Variants in PLCG2 observed in about 807,000 individuals in gnomAD.
PLCG2 encodes 1-phosphatidylinositol 4,5-bisphosphate phosphodiesterase gamma-2.
A neutral mutation model predicts 175.6 loss-of-function variants in PLCG2; 69 were observed. The observed-to-expected ratio is 0.39, with a 90% CI of 0.32 to 0.48. PLCG2 has a LOEUF of 0.48. Among genes scored for constraint, PLCG2 ranks in the 20% least tolerant of loss-of-function variants. The pLI, the probability that PLCG2 is intolerant of heterozygous loss-of-function variation, is 0.91. For missense variants in PLCG2, 1,798 were observed against 1,650.9 expected, an observed-to-expected ratio of 1.09 and a Z score of -1.54; for synonymous variants, 827 against 624.0, an observed-to-expected ratio of 1.33 and a Z score of -4.85.
At chr16:81,908,719 T>C in intron 17 of PLCG2, 128 bp downstream of exon 17, 1 of 754,848 alleles carries the variant, frequency 1.3e-6, no homozygotes, top group East Asian at 2.8e-5. Flanking sequence ...TTCATTTGTC[T>C]AGCTCTTCTA....
intron 2 of PLCG2, among the ~76,000 whole-genome samples, chr16:81,770,141 G>A (rs901202553): frequency 1.3e-5 from 2 of 151,844 alleles, no homozygotes; most frequent in Non-Finnish European, 2.9e-5. Flanking sequence ...GCATAACAAC[G>A]CAGAGAAGTG....
chr16:81,914,770 G>T (rs1041758751), intron 19 of PLCG2, among the ~76,000 whole-genome samples: 3 of 152,086 alleles, frequency 2.0e-5, no homozygotes, highest in Non-Finnish European at 2.9e-5. Flanking sequence ...TGTAACATTG[G>T]CTGGGATGTA....
At chr16:81,753,342 GTTTTTTTTTTTTT>G (rs34438350) in intron 1 of PLCG2, among the ~76,000 whole-genome samples, 1 of 91,124 alleles carries the variant, frequency 1.1e-5, no homozygotes, top group African/African-American at 4.2e-5. Context: ...GTCCTGGCAG[GTTTTTTTTTTTTT>G]TTTTTTTTTT....
At chr16:81,876,208 A>G (rs1907781608) in intron 7 of PLCG2, among the ~76,000 whole-genome samples, 1 of 151,508 alleles carries the variant, frequency 6.6e-6, no homozygotes, top group African/African-American at 2.4e-5. Flanking sequence ...TATTTTTTGT[A>G]GAGACAGTTT....
chr16:81,878,036 T>C (rs7203405), intron 7 of PLCG2, among the ~76,000 whole-genome samples: 96,248 of 138,088 alleles, frequency 0.7, 33,804 homozygotes, highest in East Asian at 0.79. Context: ...GGCTGGAGTG[T>C]AGTGGCGCCA....
At chr16:81,889,353 G>C in intron 10 of PLCG2, 80 bp downstream of exon 10, 1 of 781,480 alleles carries the variant, frequency 1.3e-6, no homozygotes, top group Non-Finnish European at 2.2e-6. Flanking sequence ...TTTTCTGTTT[G>C]TCTTTCCTTG....
intron 2 of PLCG2, among the ~76,000 whole-genome samples, chr16:81,825,145 T>C (rs61635216): frequency 0.04 from 6,080 of 152,276 alleles, 175 homozygotes; most frequent in African/African-American, 0.074. Context: ...ACCTGCATAA[T>C]TGCAAGATGG....
At chr16:81,766,006 G>A (rs900466503) in intron 2 of PLCG2, among the ~76,000 whole-genome samples, 1 of 152,180 alleles carries the variant, frequency 6.6e-6, no homozygotes, top group Non-Finnish European at 1.5e-5. Context: ...GCTTGCTTGG[G>A]TATTTTTTTA....
At chr16:81,792,470 G>C (rs1398701578) in intron 2 of PLCG2, among the ~76,000 whole-genome samples, 1 of 106,420 alleles carries the variant, frequency 9.4e-6, no homozygotes, top group South Asian at 3.1e-4. Flanking sequence ...GACAGAGCAA[G>C]GCTCTGTCTC....
chr16:81,774,554 A>G (rs1403314600), upstream of PLCG2, among the ~76,000 whole-genome samples: 1 of 151,912 alleles, frequency 6.6e-6, no homozygotes. Context: ...TTCTCTGAAC[A>G]ATGTTGGGAA....
chr16:81,953,004 AG>A (rs1911428325), intron 31 of PLCG2, among the ~76,000 whole-genome samples: 2 of 152,372 alleles, frequency 1.3e-5, no homozygotes, highest in African/African-American at 4.8e-5. Context: ...GTACTTCCTG[AG>A]GTGAGACGCT....
At chr16:81,922,635 C>A (rs1275679058) in intron 21 of PLCG2, among the ~76,000 whole-genome samples, 1 of 152,136 alleles carries the variant, frequency 6.6e-6, no homozygotes, top group Non-Finnish European at 1.5e-5. Context: ...TGATTTGAAC[C>A]TACATATCTG....
intron 18 of PLCG2, among the ~76,000 whole-genome samples, chr16:81,910,932 T>TCTTTTCC (rs1909595217): frequency 6.6e-6 from 1 of 152,220 alleles, no homozygotes. Context: ...TCCCCTTTTC[T>TCTTTTCC]CTTTTCCCTT....
At chr16:81,805,439 C>T (rs894689409) in intron 2 of PLCG2, among the ~76,000 whole-genome samples, 5 of 145,708 alleles carry the variant, frequency 3.4e-5, no homozygotes, top group Non-Finnish European at 5.9e-5. Flanking sequence ...GTGGAGCTTG[C>T]AGTGAGCAGA....
At chr16:81,860,238 G>C (rs1906914601) in intron 5 of PLCG2, among the ~76,000 whole-genome samples, 3 of 147,518 alleles carry the variant, frequency 2.0e-5, no homozygotes. Flanking sequence ...AGCAAACGCA[G>C]TTTTGGTTTT....
chr16:81,773,262 T>G (rs1597309632), intron 2 of PLCG2, among the ~76,000 whole-genome samples: 1 of 152,188 alleles, frequency 6.6e-6, no homozygotes. Context: ...GGTGTCCCTG[T>G]TGACACACTT....
rs116149037 is a variant in PLCG2, at chr16:81,797,003, G to A, written c.193+10821G>A. On this transcript the variant is annotated intron_variant, in intron 2 of 32. Transcript: ENST00000564138. ...GCCACTGATACTATGGATGGGTTGT[G>A]GTTTGTCATAACGGAATTTAAGAGG... Among the ~76,000 whole-genome samples, 423 of 152,334 alleles carry A rather than the reference G, an allele frequency of 2.8e-3. 2 individuals carry two copies. Among genetic ancestry groups the A allele is most frequent in the African/African-American group, 9.6e-3 (401 of 41,580 alleles).
intron 2 of PLCG2, among the ~76,000 whole-genome samples, chr16:81,789,952 C>T (rs1419472144): frequency 1.3e-5 from 2 of 152,118 alleles, no homozygotes; most frequent in Non-Finnish European, 2.9e-5. Flanking sequence ...TCCGTGGAGC[C>T]TATATTGCTT....
intron 31 of PLCG2, among the ~76,000 whole-genome samples, chr16:81,949,084 T>G (rs1911267424): frequency 6.6e-6 from 1 of 152,014 alleles, no homozygotes. Context: ...AAAGATAATG[T>G]GAAGGAAAAG....
Sources: gnomAD v4.1 joint callset for allele counts (sites outside exome capture counted in the v4.1 genomes callset) on GRCh38, gnomAD v4.1.1 for gene constraint, MANE v1.5 for transcripts, NCBI Gene and HGNC (gene_info 2026-07-23, HGNC 2026-07-21) for gene names.